Variants in MDFIC observed in about 807,000 individuals in gnomAD.
MDFIC encodes MyoD family inhibitor domain containing, also known as myoD family inhibitor domain-containing protein.
A neutral mutation model predicts 23.2 loss-of-function variants in MDFIC; 17 were observed. The ratio of observed to expected loss-of-function variants is 0.73; its 90% CI spans 0.50 to 1.10. MDFIC has a LOEUF of 1.10. Among genes scored for constraint, MDFIC ranks in the 50% least tolerant of loss-of-function variants. The pLI, the probability that MDFIC is intolerant of heterozygous loss-of-function variation, is 0.00. For missense variants in MDFIC, 356 were observed against 316.6 expected (o/e 1.12, Z -0.95); for synonymous variants, 120 against 115.2 (o/e 1.04, Z -0.27).
At chr7:114,963,311 C>G (rs1793029878) in intron 3 of MDFIC, among the ~76,000 whole-genome samples, 1 of 152,084 alleles carries the variant, frequency 6.6e-6, no homozygotes, top group Non-Finnish European at 1.5e-5. Flanking sequence ...AAATATACAT[C>G]CAGAGGACAG....
chr7:114,968,310 C>T (rs953554408), intron 3 of MDFIC, among the ~76,000 whole-genome samples: 1 of 152,168 alleles, frequency 6.6e-6, no homozygotes, highest in Non-Finnish European at 1.5e-5. Flanking sequence ...ATTTTAATCT[C>T]AGGAGAAAGC....
chr7:114,970,473 C>T (rs539510243), intron 3 of MDFIC, among the ~76,000 whole-genome samples: 1 of 152,256 alleles, frequency 6.6e-6, no homozygotes, highest in East Asian at 1.9e-4. Context: ...TGATCTTTGA[C>T]TCTGGTCCCT....
At chr7:114,928,070 A>G (rs1267652459) in intron 2 of MDFIC, among the ~76,000 whole-genome samples, 1 of 152,204 alleles carries the variant, frequency 6.6e-6, no homozygotes, top group Non-Finnish European at 1.5e-5. Flanking sequence ...CTTAGAACTT[A>G]TACTTCTAAC....
chr7:114,924,400 C>T (rs1792150762), intron 2 of MDFIC, among the ~76,000 whole-genome samples: 1 of 152,164 alleles, frequency 6.6e-6, no homozygotes, highest in Non-Finnish European at 1.5e-5. Flanking sequence ...AAATCAACAT[C>T]AAACACCCAA....
At chr7:114,979,404 T>C (rs1332164055) in intron 3 of MDFIC, 102 bp from the exon 4 acceptor site, 1 of 1,231,696 alleles carries the variant, frequency 8.1e-7, no homozygotes. Context: ...GTTAGTATTA[T>C]GGGTAAAACC....
intron 4 of MDFIC, among the ~76,000 whole-genome samples, chr7:114,990,777 T>C (rs1791139620): frequency 6.6e-6 from 1 of 152,216 alleles, no homozygotes; most frequent in Non-Finnish European, 1.5e-5. Context: ...GTTCCAAGTC[T>C]TTGCTATTGT....
intron 4 of MDFIC, among the ~76,000 whole-genome samples, chr7:115,007,630 G>GTGTATA (rs369718965): frequency 2.3e-4 from 30 of 132,938 alleles, no homozygotes; most frequent in African/African-American, 7.4e-4. Context: ...GCGTGTGTGT[G>GTGTATA]TATATATATA....
At chr7:114,936,751 G>C (rs1453030092) in intron 2 of MDFIC, among the ~76,000 whole-genome samples, 1 of 152,090 alleles carries the variant, frequency 6.6e-6, no homozygotes, top group African/African-American at 2.4e-5. Flanking sequence ...ATCTATCTCT[G>C]AGACTGTTTT....
chr7:114,924,383 A>G (rs1426763181), intron 2 of MDFIC, among the ~76,000 whole-genome samples: 1 of 152,244 alleles, frequency 6.6e-6, no homozygotes, highest in Non-Finnish European at 1.5e-5. Flanking sequence ...AACCAGGCTT[A>G]TGTCAAAAAT....
At chr7:114,960,765 G>T (rs894169600) in intron 3 of MDFIC, among the ~76,000 whole-genome samples, 1 of 152,040 alleles carries the variant, frequency 6.6e-6, no homozygotes, top group Non-Finnish European at 1.5e-5. Flanking sequence ...TATATTCTAT[G>T]ATTTTTGAAA....
intron 3 of MDFIC, among the ~76,000 whole-genome samples, chr7:114,951,917 C>A (rs1268185250): frequency 6.6e-6 from 1 of 152,030 alleles, no homozygotes; most frequent in African/African-American, 2.4e-5. Flanking sequence ...AATGCAGGGT[C>A]TCTTGTTAAA....
rs951343225 is a variant in MDFIC, at chr7:114,922,304, G to A, written c.-440G>A. ...GATGTGATGAAAAAGAGCAACAGAG[G>A]GAGAAGTGTTTCAGGATTGTAGGAG... On this transcript the variant is annotated 5_prime_UTR_variant, in exon 1 of 5. Transcript: ENST00000393486. 3 of 887,894 alleles carry A rather than the reference G, an allele frequency of 3.4e-6. No homozygotes were observed. Among genetic ancestry groups the A allele is most frequent in the South Asian group, 5.9e-5 (1 of 16,864 alleles). The allele number at this position is 887,894 out of a possible 1,614,324, so 55.0% of individuals were successfully genotyped here.
chr7:114,986,934 A>G (rs780202387), intron 4 of MDFIC, among the ~76,000 whole-genome samples: 2 of 152,204 alleles, frequency 1.3e-5, no homozygotes, highest in South Asian at 2.1e-4. Context: ...GGCTTATACA[A>G]GTTCAGAAAA....
intron 4 of MDFIC, among the ~76,000 whole-genome samples, chr7:115,015,468 C>A (rs1791776749): frequency 1.3e-5 from 2 of 151,502 alleles, no homozygotes; most frequent in South Asian, 2.1e-4. Context: ...TGCGTACACA[C>A]AATACTTTTT....
At chr7:114,932,630 CT>C (rs1262814058) in intron 2 of MDFIC, among the ~76,000 whole-genome samples, 1 of 152,286 alleles carries the variant, frequency 6.6e-6, no homozygotes, top group Admixed American at 6.5e-5. Flanking sequence ...CTGCAATTTA[CT>C]GAAACTGTGG....
chr7:114,984,518 A>T (rs140983797), intron 4 of MDFIC, among the ~76,000 whole-genome samples: 1 of 152,360 alleles, frequency 6.6e-6, no homozygotes, highest in East Asian at 1.9e-4. Context: ...ATGGAGGAAA[A>T]AAAAACCATG....
chr7:114,968,811 T>C (rs1339548255), intron 3 of MDFIC, among the ~76,000 whole-genome samples: 1 of 152,166 alleles, frequency 6.6e-6, no homozygotes. Flanking sequence ...GTTTTGGAAA[T>C]GTATAATAAT....
intron 3 of MDFIC, among the ~76,000 whole-genome samples, chr7:114,946,712 C>T (rs746514129): frequency 7.2e-5 from 11 of 152,198 alleles, no homozygotes; most frequent in African/African-American, 1.4e-4. Context: ...GGCAGTAGAA[C>T]GCAAGCTCTT....
Position 115,019,313 on chromosome 7 carries a change from A to AT in MDFIC, c.*3384dup, listed in dbSNP as rs1791857451. On this transcript the variant is annotated 3_prime_UTR_variant, in exon 5 of 5. Coordinates refer to ENST00000393486, the MANE Select transcript of MDFIC (RefSeq NM_001166345.3). ...GAGAAGGCTTTTTATTTAGAAAATT[A>AT]TTTTTTCATTTTTACAGTGTATCAA... is the stretch of plus-strand genomic sequence containing the variant. 6.6e-6 allele frequency: 1 copy of AT among 152,008 alleles called. No individual in the cohort carries two copies. Among genetic ancestry groups the AT allele is most frequent in the South Asian group, 2.1e-4 (1 of 4,838 alleles). The allele number at this position is 152,008 out of a possible 1,614,324, so 9.4% of individuals were successfully genotyped here.
Sources: gnomAD v4.1 joint callset for allele counts (sites outside exome capture counted in the v4.1 genomes callset) on GRCh38, gnomAD v4.1.1 for gene constraint, MANE v1.5 for transcripts, NCBI Gene and HGNC (gene_info 2026-07-23, HGNC 2026-07-21) for gene names.